CD99L2: variants seen among roughly 807,000 people sequenced by gnomAD.
The protein encoded by CD99L2 is CD99 molecule like 2.
A neutral mutation model predicts 27.3 loss-of-function variants in CD99L2; 24 were observed. The ratio of observed to expected loss-of-function variants is 0.88; its 90% CI spans 0.64 to 1.24. The LOEUF is 1.24. Among genes scored for constraint, CD99L2 ranks in the 50% most tolerant of loss-of-function variants. The probability of loss-of-function intolerance (pLI) is 0.00; values close to 1 mark genes in which losing one functional copy is unlikely to be tolerated. For missense variants in CD99L2, 255 were observed against 221.6 expected, an observed-to-expected ratio of 1.15 and a Z score of -0.96; for synonymous variants, 97 against 87.9, an observed-to-expected ratio of 1.10 and a Z score of -0.58.
chrX:150,824,289 GGAA>G lies in CD99L2; in HGVS notation c.130+6939_130+6941del, dbSNP rs782581412. Among the ~76,000 whole-genome samples the G allele has an allele frequency of 4.9e-4, 29 of 59,295 alleles. 3 individuals carry two copies. In the South Asian group the frequency reaches 5.9e-3, roughly 12 times the overall value. 51.5% of individuals were successfully genotyped at this position (59,295 alleles called of 115,157 possible). ...GAAGGAGGAGGAGGAGGAGGAGAAA[GGAA>G]GAAGAAGAAGAAGAGGAGGAGGAGG... On this transcript the variant is annotated intron_variant, in intron 2 of 10. Coordinates refer to ENST00000370377, the MANE Select transcript of CD99L2 (RefSeq NM_031462.4).
chrX:150,852,164 C>T (rs1334597487), intron 1 of CD99L2, among the ~76,000 whole-genome samples: 1 of 112,107 alleles, frequency 8.9e-6, no homozygotes, highest in Non-Finnish European at 1.9e-5. Context: ...TGAACTTACA[C>T]TAAAAGGGGC....
intron 1 of CD99L2, among the ~76,000 whole-genome samples, chrX:150,895,453 G>C (rs922375028): frequency 1.8e-5 from 2 of 111,477 alleles, no homozygotes; most frequent in African/African-American, 6.5e-5. Context: ...CTAGAGCCTG[G>C]AAGGATTTCT....
chrX:150,769,689 GC>G (rs2043393313), intron 10 of CD99L2, among the ~76,000 whole-genome samples: 8 of 99,989 alleles, frequency 8.0e-5, no homozygotes, highest in Middle Eastern at 9.6e-3. Context: ...GCGCCACCAG[GC>G]CTCGGCTGCT....
At chrX:150,863,588 TTTGTTTGTTTGC>T (rs1335928984) in intron 1 of CD99L2, among the ~76,000 whole-genome samples, 1 of 111,656 alleles carries the variant, frequency 9.0e-6, no homozygotes, top group Non-Finnish European at 1.9e-5. Flanking sequence ...TGTTTTTTTG[TTTGTTTGTTTGC>T]TTGTTTGTTT....
chrX:150,838,317 AG>A (rs1303138074), intron 1 of CD99L2, among the ~76,000 whole-genome samples: 1 of 111,976 alleles, frequency 8.9e-6, no homozygotes, highest in African/African-American at 3.2e-5. Context: ...GGAACAGAAG[AG>A]GGCTTTACAT....
chrX:150,793,840 GA>G, intron 6 of CD99L2, 84 bp from the exon 7 acceptor site: 1 of 776,911 alleles, frequency 1.3e-6, no homozygotes. Flanking sequence ...CCAAAATTCA[GA>G]AAATGATTCC....
rs146802752 is a variant in CD99L2 at position 150,795,244 on chromosome X, C to T, written c.392G>A (p.Arg131Gln). 1.5e-5 allele frequency: 18 copies of T among 1,210,165 alleles called. No individual in the cohort carries two copies. The highest frequency in any genetic ancestry group is 1.8e-5 in the Non-Finnish European group (16 of 895,274). ...LADALDDRNDRDDGRRKPIAG... is the reference protein window; with the variant it reads ...LADALDDRNDQDDGRRKPIAG... ...AATTGGTTTCCTGCGGCCATCATCT[C>T]GATCATTTCGATCATCCAGGGCATC... is the stretch of plus-strand genomic sequence containing the variant. The change falls in exon 6 of 11, where the codon CGA (arginine) becomes CAA (glutamine). Residue 131 changes from arginine (R) to glutamine (Q), a missense_variant. Coordinates refer to ENST00000370377, the MANE Select transcript of CD99L2 (RefSeq NM_031462.4).
At chrX:150,785,778 A>G (rs1190823301) in intron 7 of CD99L2, among the ~76,000 whole-genome samples, 1 of 112,034 alleles carries the variant, frequency 8.9e-6, no homozygotes, top group Non-Finnish European at 1.9e-5. Flanking sequence ...TCTTTTACTC[A>G]GCATATTGTT....
At chrX:150,798,148 G>GGA (rs2045832141) in intron 4 of CD99L2, among the ~76,000 whole-genome samples, 1 of 36,749 alleles carries the variant, frequency 2.7e-5, no homozygotes, top group Non-Finnish European at 4.6e-5. Context: ...GGAAGGAAGG[G>GGA]AGGGAGGGAG....
chrX:150,868,793 G>A (rs1395388378), intron 1 of CD99L2, among the ~76,000 whole-genome samples: 1 of 111,953 alleles, frequency 8.9e-6, no homozygotes, highest in Non-Finnish European at 1.9e-5. Context: ...AGAGGACAGA[G>A]GCTCAGGGAT....
intron 4 of CD99L2, among the ~76,000 whole-genome samples, chrX:150,802,782 C>G (rs187094780): frequency 9.7e-6 from 1 of 103,080 alleles, no homozygotes; most frequent in African/African-American, 3.5e-5. Flanking sequence ...GGGGTTTCAC[C>G]GTGTTAGCCA....
At chrX:150,829,381 C>A (rs2124231308) in intron 2 of CD99L2, 1 of 328,000 alleles carries the variant, frequency 3.0e-6, no homozygotes, top group South Asian at 2.6e-5. Flanking sequence ...AAGGGGAACA[C>A]CACGTGACAA....
chrX:150,873,758 A>C (rs2047191410), intron 1 of CD99L2, among the ~76,000 whole-genome samples: 1 of 111,143 alleles, frequency 9.0e-6, no homozygotes, highest in Admixed American at 9.6e-5. Context: ...AAGCACCCAG[A>C]GCATGAGATG....
chrX:150,854,200 C>T (rs926900685), intron 1 of CD99L2, among the ~76,000 whole-genome samples: 4 of 111,417 alleles, frequency 3.6e-5, no homozygotes, highest in Non-Finnish European at 7.5e-5. Context: ...CTTCAACTTT[C>T]GCTCTACTCG....
At chrX:150,771,187 G>A (rs1045995989) in intron 9 of CD99L2, among the ~76,000 whole-genome samples, 5 of 112,140 alleles carry the variant, frequency 4.5e-5, no homozygotes, top group South Asian at 3.7e-4. Context: ...CCAACCGACC[G>A]ACCGACCGAC....
chrX:150,793,606 C>T (rs782468382), intron 7 of CD99L2, 85 bp downstream of exon 7: 203 of 830,274 alleles, frequency 2.4e-4, no homozygotes, highest in Non-Finnish European at 3.3e-4. Flanking sequence ...CCACTCATTT[C>T]CCAGAGGCTC....
Position 150,777,426 on chromosome X carries a change from C to G in CD99L2, c.535+18G>C, listed in dbSNP as rs782378890. 5 of 1,211,565 alleles carry G rather than the reference C, an allele frequency of 4.1e-6. No homozygotes were observed. In the South Asian group the frequency reaches 8.8e-5, roughly 21 times the overall value. On this transcript the variant is annotated intron_variant, in intron 8 of 10. Transcript: ENST00000370377. ...CCTTTCACATGGCCAACAGGAGCCT[C>G]AGGATTCAGAAACCCACCAGATCCA... is the stretch of plus-strand genomic sequence containing the variant.
At chrX:150,777,379 T>C in intron 8 of CD99L2, 65 bp downstream of exon 8, 1 of 1,176,878 alleles carries the variant, frequency 8.5e-7, no homozygotes, top group South Asian at 1.8e-5. Flanking sequence ...CTTAGTGATT[T>C]TGGGGTCCTG....
intron 4 of CD99L2, among the ~76,000 whole-genome samples, chrX:150,809,028 A>T (rs1157581570): frequency 9.0e-6 from 1 of 110,984 alleles, no homozygotes; most frequent in Non-Finnish European, 1.9e-5. Flanking sequence ...TGAAGATGCC[A>T]CACTGCTGAC....
Sources: allele counts gnomAD v4.1 joint callset (sites outside exome capture counted in the v4.1 genomes callset), GRCh38; gene constraint gnomAD v4.1.1; transcripts MANE v1.5; gene names NCBI Gene and HGNC (gene_info 2026-07-23, HGNC 2026-07-21).